GSTO2: variants seen among roughly 807,000 people sequenced by gnomAD.
GSTO2 encodes the protein glutathione S-transferase omega-2.
A neutral mutation model predicts 28.4 loss-of-function variants in GSTO2; 23 were observed. That is an observed-to-expected ratio of 0.81 (90% CI 0.58 to 1.15). The LOEUF is 1.15. Among genes scored for constraint, GSTO2 ranks in the 50% most tolerant of loss-of-function variants. GSTO2 has a pLI of 0.00. For synonymous variants in GSTO2, 109 were observed against 111.0 expected (o/e 0.98, Z 0.11); for missense variants, 298 against 297.8 (o/e 1.00, Z 0.00).
intron 3 of GSTO2, 75 bp downstream of exon 3, chr10:104,275,409 G>A (rs2011586142): frequency 7.2e-7 from 1 of 1,393,362 alleles, no homozygotes; most frequent in South Asian, 1.2e-5. Context: ...AACATCTGGG[G>A]CGCCCTGCTC....
rs1020703813 is a variant in GSTO2 at position 104,304,005 on chromosome 10, T to A, written c.*4721T>A. 1.3e-5 allele frequency: 2 copies of A among 152,246 alleles called. No homozygotes were observed. The highest frequency in any genetic ancestry group is 2.4e-5 in the African/African-American group (1 of 41,456). The allele number at this position is 152,246 out of a possible 1,614,324, so 9.4% of individuals were successfully genotyped here. On this transcript the variant is annotated 3_prime_UTR_variant, in exon 7 of 7. Transcript: ENST00000338595. Reference sequence around the variant, plus strand: ...GTTTCCTTTGTCAGAGTCATTGGCCTTGATGGAGGGGAGACTGGGTTACTC... The same window carrying A: ...GTTTCCTTTGTCAGAGTCATTGGCCATGATGGAGGGGAGACTGGGTTACTC...
rs567584989 is a variant in GSTO2, at chr10:104,286,419, T to C, written c.468+6948T>C. 1.1e-3 allele frequency among the ~76,000 whole-genome samples: 165 copies of C among 152,354 alleles called. 2 individuals are homozygous for C. The highest frequency in any genetic ancestry group is 7.5e-4 in the Non-Finnish European group (51 of 68,034). ...TGTTCTTAAGGTTCATCCTTCATTC[T>C]TTTTTATGGCTAAATAATATTCCAT... On this transcript the variant is annotated intron_variant, in intron 5 of 6. Coordinates refer to ENST00000338595, the MANE Select transcript of GSTO2 (RefSeq NM_183239.2).
At position 104,298,432 on chromosome 10, in the gene GSTO2, G is replaced by A. The variant is rs772380965; in HGVS notation, c.576-696G>A. On this transcript the variant is annotated intron_variant, in intron 6 of 6. Transcript: ENST00000338595. ...ACCAGCCACTGTCTCCTGCACTTCC[G>A]ACTTCAGCTCTCTTTGTCAGGATAT... Among the ~76,000 whole-genome samples, 10 of 152,326 alleles carry A rather than the reference G, an allele frequency of 6.6e-5. No individual in the cohort carries two copies. In the East Asian group the frequency reaches 7.7e-4, roughly 12 times the overall value.
chr10:104,297,330 A>G (rs1008731338), intron 5 of GSTO2: 3 of 332,886 alleles, frequency 9.0e-6, no homozygotes, highest in South Asian at 6.7e-5. Context: ...AGTTTCTTCA[A>G]TCAGATGAGC....
At chr10:104,288,367 T>C (rs2012573189) in intron 5 of GSTO2, 1 of 152,206 alleles carries the variant, frequency 6.6e-6, no homozygotes, top group African/African-American at 2.4e-5. Flanking sequence ...AATATGTTCT[T>C]AAGCTGGACT....
At chr10:104,279,999 C>T (rs2011923411) in intron 5 of GSTO2, among the ~76,000 whole-genome samples, 1 of 151,870 alleles carries the variant, frequency 6.6e-6, no homozygotes, top group East Asian at 1.9e-4. Context: ...CCCTCCTCTA[C>T]AAAAATAATT....
chr10:104,273,270 A>C (rs1211594535), intron 1 of GSTO2, among the ~76,000 whole-genome samples: 2 of 149,316 alleles, frequency 1.3e-5, no homozygotes, highest in Non-Finnish European at 2.9e-5. Context: ...CAAGCCGGGA[A>C]CCAATATGTC....
intron 1 of GSTO2, among the ~76,000 whole-genome samples, chr10:104,270,795 C>CA (rs1198389085): frequency 6.6e-6 from 1 of 152,210 alleles, no homozygotes; most frequent in Non-Finnish European, 1.5e-5. Flanking sequence ...GATGGCGTGA[C>CA]AAAAAATTTT....
At chr10:104,280,166 A>C (rs1301957939) in intron 5 of GSTO2, among the ~76,000 whole-genome samples, 11 of 38,782 alleles carry the variant, frequency 2.8e-4, no homozygotes, top group Non-Finnish European at 4.4e-4. Flanking sequence ...TAGGACTGAC[A>C]AAAAAAAAAA....
Position 104,275,449 on chromosome 10 carries a change from T to C in GSTO2, c.143+115T>C, listed in dbSNP as rs541647835. ...TTTACAAGGGGCTCCCTGTCCCTTT[T>C]TTCGGAGGCAAAGTCAACAAATAGC... is the stretch of plus-strand genomic sequence containing the variant. On this transcript the variant is annotated intron_variant, in intron 3 of 6. Coordinates refer to ENST00000338595, the MANE Select transcript of GSTO2 (RefSeq NM_183239.2). The C allele has an allele frequency of 2.1e-5, 18 of 858,964 alleles. No individual in the cohort carries two copies. In the East Asian group the frequency reaches 2.3e-4, roughly 11 times the overall value. The allele number at this position is 858,964 out of a possible 1,614,324, so 53.2% of individuals were successfully genotyped here.
intron 3 of GSTO2, among the ~76,000 whole-genome samples, chr10:104,277,479 T>A (rs2011701504): frequency 6.6e-6 from 1 of 152,032 alleles, no homozygotes. Flanking sequence ...AGAGATGGGG[T>A]TTTGCCATGT....
intron 4 of GSTO2, 68 bp downstream of exon 4, chr10:104,278,184 AT>A: frequency 8.4e-7 from 1 of 1,183,598 alleles, no homozygotes; most frequent in Non-Finnish European, 1.2e-6. Context: ...ACCTCAACCC[AT>A]TTTAAAGCCA....
chr10:104,280,678 G>A lies in GSTO2; in HGVS notation c.468+1207G>A, dbSNP rs1420434865. On this transcript the variant is annotated intron_variant, in intron 5 of 6. Coordinates refer to ENST00000338595, the MANE Select transcript of GSTO2 (RefSeq NM_183239.2). ...TTATCCTGTACTTCTAGAATAATCA[G>A]GAAGGCAGTTCTTTTACTTCCTTTA... is the stretch of plus-strand genomic sequence containing the variant. Among the ~76,000 whole-genome samples, 3 of 152,174 alleles carry A rather than the reference G, an allele frequency of 2.0e-5. No individual in the cohort carries two copies. The East Asian group carries it at 5.8e-4, about 29-fold the overall frequency.
chr10:104,279,485 T>G lies in GSTO2; in HGVS notation c.468+14T>G, dbSNP rs751626480. ...AACCTGGAAGAGGTACAAAAAGGGG[T>G]CCCTCTCCTGGTCAGCTACAGTGGA... On this transcript the variant is annotated intron_variant, in intron 5 of 6. Coordinates refer to ENST00000338595, the MANE Select transcript of GSTO2 (RefSeq NM_183239.2). The G allele has an allele frequency of 1.3e-6, 2 of 1,589,864 alleles. No individual in the cohort carries two copies. Among genetic ancestry groups the G allele is most frequent in the Non-Finnish European group, 1.7e-6 (2 of 1,158,266 alleles).
chr10:104,294,308 G>T (rs1478640172), intron 5 of GSTO2, among the ~76,000 whole-genome samples: 2 of 152,130 alleles, frequency 1.3e-5, no homozygotes, highest in East Asian at 1.9e-4. Context: ...AGTTTCAGGG[G>T]TCCTTCCAGT....
intron 5 of GSTO2, among the ~76,000 whole-genome samples, chr10:104,281,505 C>G (rs923050282): frequency 2.0e-5 from 3 of 152,138 alleles, no homozygotes; most frequent in African/African-American, 7.2e-5. Context: ...TTTTAAATTA[C>G]AGATTGCTAG....
chr10:104,290,281 G>A (rs768112490), intron 5 of GSTO2, among the ~76,000 whole-genome samples: 64 of 152,160 alleles, frequency 4.2e-4, no homozygotes, highest in Non-Finnish European at 7.9e-4. Context: ...CAAGGCTAGC[G>A]GATCACTTAA....
intron 5 of GSTO2, chr10:104,296,068 T>C (rs1447904494): frequency 6.6e-6 from 1 of 152,216 alleles, no homozygotes; most frequent in Non-Finnish European, 1.5e-5. Flanking sequence ...CTTTTCTCTT[T>C]GGGAAGACCT....
intron 5 of GSTO2, among the ~76,000 whole-genome samples, chr10:104,285,689 A>G (rs984184035): frequency 3.3e-5 from 5 of 151,934 alleles, no homozygotes; most frequent in African/African-American, 1.2e-4. Flanking sequence ...GCTGGTCTTG[A>G]ACTCCTAGGC....
Sources: gnomAD v4.1 joint callset for allele counts (sites outside exome capture counted in the v4.1 genomes callset) on GRCh38, gnomAD v4.1.1 for gene constraint, MANE v1.5 for transcripts, NCBI Gene and HGNC (gene_info 2026-07-23, HGNC 2026-07-21) for gene names.